ASXL1: variants seen among roughly 807,000 people sequenced by gnomAD.
ASXL1 encodes polycomb group protein ASXL1.
A neutral mutation model predicts 89.1 loss-of-function variants in ASXL1; 65 were observed. The observed-to-expected ratio is 0.73, with a 90% confidence interval of 0.60 to 0.90. The LOEUF is 0.90. Among genes scored for constraint, ASXL1 ranks in the 40% least tolerant of loss-of-function variants. ASXL1 has a pLI of 0.00. For synonymous variants in ASXL1, 739 were observed against 746.9 expected (o/e 0.99, Z 0.17); for missense variants, 1,786 against 1,942.9 (o/e 0.92, Z 1.52).
Position 32,358,848 on chromosome 20 carries a change from G to T in ASXL1, c.57+16G>T. ...CGCGCGCCTGGTGAGGCGGACAGCC[G>T]AGGGGGGCTCCGTGGGGCCCGGGGT... On this transcript the variant is annotated intron_variant, in intron 1 of 12. Coordinates refer to ENST00000375687, the MANE Select transcript of ASXL1 (RefSeq NM_015338.6). 6.6e-7 allele frequency: 1 copy of T among 1,504,850 alleles called. No individual in the cohort carries two copies. The highest frequency in any genetic ancestry group is 8.9e-7 in the Non-Finnish European group (1 of 1,125,792). The allele number at this position is 1,504,850 out of a possible 1,614,324, so 93.2% of individuals were successfully genotyped here.
Position 32,434,560 on chromosome 20 carries a change from CATT to C in ASXL1, c.1850_1852del (p.Ile617del), listed in dbSNP as rs2011662875. 6.2e-7 allele frequency: 1 copy of C among 1,613,570 alleles called. No homozygotes were observed. The highest frequency in any genetic ancestry group is 1.1e-5 in the South Asian group (1 of 91,082). ...GGACTGGCGCCAGGACCCTCGCAGA[CATT>C]AAAGCCCGTGCTCTGCAGGTCCGAG... On this transcript the variant is annotated inframe_deletion, in exon 13 of 13. Transcript: ENST00000375687.
rs143779557 is a variant in ASXL1 at position 32,436,645 on chromosome 20, T to C, written c.3933T>C (p.Ala1311=). 5.0e-5 allele frequency: 81 copies of C among 1,614,100 alleles called. No individual in the cohort carries two copies. The African/African-American group carries it at 1.0e-3, about 20-fold the overall frequency. Residue 1311 remains alanine, a synonymous_variant, in exon 13 of 13, where the codon GCT becomes GCC. Coordinates refer to ENST00000375687, the MANE Select transcript of ASXL1 (RefSeq NM_015338.6). ...AGCTTTTTGGCTCTGGGAATGTGGC[T>C]GCAACCCTTCAGCGCCCCAGGCCTG... ...GKKLFGSGNV[A]ATLQRPRPAD...
intron 4 of ASXL1, among the ~76,000 whole-genome samples, chr20:32,416,339 G>A (rs1008755838): frequency 6.6e-6 from 1 of 152,042 alleles, no homozygotes; most frequent in Non-Finnish European, 1.5e-5. Flanking sequence ...GGAAGCTCAA[G>A]CGTTTGTACA....
At chr20:32,386,786 TC>T (rs2048586674) in intron 4 of ASXL1, among the ~76,000 whole-genome samples, 2 of 44,116 alleles carry the variant, frequency 4.5e-5, no homozygotes, top group Admixed American at 3.4e-4. Flanking sequence ...GACCTCTCTC[TC>T]TCTTTTTTTT....
intron 11 of ASXL1, 82 bp from the exon 12 acceptor site, chr20:32,433,202 G>T: frequency 6.3e-7 from 1 of 1,594,802 alleles, no homozygotes; most frequent in Non-Finnish European, 8.5e-7. Context: ...AGATATCTGT[G>T]TTTCTGGGTC....
intron 4 of ASXL1, chr20:32,427,376 G>C (rs940340763): frequency 6.5e-6 from 1 of 152,980 alleles, no homozygotes; most frequent in Non-Finnish European, 1.5e-5. Flanking sequence ...GCGGTTGCCA[G>C]ATGAAATTCC....
intron 4 of ASXL1, among the ~76,000 whole-genome samples, chr20:32,378,559 CT>C (rs1387275692): frequency 1.3e-5 from 2 of 152,042 alleles, no homozygotes. Context: ...GATTTGAATT[CT>C]TTTTTCTTAA....
intron 4 of ASXL1, chr20:32,427,641 C>T (rs2011362549): frequency 1.1e-5 from 2 of 184,896 alleles, no homozygotes; most frequent in Admixed American, 1.1e-4. Flanking sequence ...TAAAACCCAG[C>T]TTAAGCAACA....
At chr20:32,383,937 A>G (rs2048532566) in intron 4 of ASXL1, among the ~76,000 whole-genome samples, 1 of 152,114 alleles carries the variant, frequency 6.6e-6, no homozygotes, top group South Asian at 2.1e-4. Flanking sequence ...CCTCCATCCC[A>G]GAGCTCTGTT....
In ASXL1 at chr20:32,435,802, C is replaced by G. The variant is rs2145377517; in HGVS notation, c.3090C>G (p.Asp1030Glu). The change falls in exon 13 of 13, where the codon GAC becomes GAG. Residue 1030 changes from aspartate (D) to glutamate (E), a missense_variant. By Grantham distance (45) the Asp-to-Glu change is conservative. Around this residue, in one of 3 missense-constraint regions of ASXL1, gnomAD observed 1,418 missense variants for 1,427.8 expected, o/e 0.99. Coordinates refer to ENST00000375687, the MANE Select transcript of ASXL1 (RefSeq NM_015338.6). The stretch of plus-strand genomic sequence containing the variant: ...CAGTGACAAAGGGATCTTCGGTGGA[C>G]AAGGATGAGAAACCCAATTGGAACC... ...EAAVTKGSSV[D>E]KDEKPNWNQS... 1 of 1,614,138 alleles carries G rather than the reference C, an allele frequency of 6.2e-7. No individual in the cohort carries two copies. Among genetic ancestry groups the G allele is most frequent in the Non-Finnish European group, 8.5e-7 (1 of 1,180,024 alleles).
intron 1 of ASXL1, among the ~76,000 whole-genome samples, chr20:32,362,352 G>C (rs750376438): frequency 4.6e-5 from 7 of 152,128 alleles, no homozygotes; most frequent in South Asian, 2.1e-4. Flanking sequence ...AATTGTTTTT[G>C]TAGGCTGTGC....
At chr20:32,425,273 A>T (rs535092540) in intron 4 of ASXL1, among the ~76,000 whole-genome samples, 1 of 152,294 alleles carries the variant, frequency 6.6e-6, no homozygotes, top group African/African-American at 2.4e-5. Context: ...AGCCACTTTG[A>T]TTGTTTATAA....
chr20:32,427,960 A>C, intron 4 of ASXL1, 168 bp from the exon 5 acceptor site: 1 of 917,156 alleles, frequency 1.1e-6, no homozygotes, highest in Non-Finnish European at 1.7e-6. Flanking sequence ...TTTCTTAATG[A>C]TATATTTATG....
chr20:32,387,007 T>C (rs1328407382), intron 4 of ASXL1, among the ~76,000 whole-genome samples: 1 of 152,108 alleles, frequency 6.6e-6, no homozygotes, highest in Admixed American at 6.6e-5. Context: ...TTAGAAACAT[T>C]TCATAATGCA....
Position 32,436,727 on chromosome 20 carries a change from G to A in ASXL1, c.4015G>A (p.Gly1339Arg), listed in dbSNP as rs768446568. 3.1e-6 allele frequency: 5 copies of A among 1,613,946 alleles called. No homozygotes were observed. The highest frequency in any genetic ancestry group is 1.7e-5 in the Admixed American group (1 of 60,004). The change falls in exon 13 of 13, where the codon GGA becomes AGA. Residue 1339 changes from glycine to arginine, a missense_variant. Physicochemically the swap from Gly to Arg is moderately radical, Grantham distance 125 (BLOSUM62 -2). Around this residue, in one of 3 missense-constraint regions of ASXL1, gnomAD observed 1,418 missense variants for 1,427.8 expected, o/e 0.99. Coordinates refer to ENST00000375687, the MANE Select transcript of ASXL1 (RefSeq NM_015338.6). ...IPPVFPSGKLGPSTNSMSGGV... is the reference protein window; with the variant it reads ...IPPVFPSGKLRPSTNSMSGGV... ...TCCAGTTTTTCCCAGTGGGAAGTTG[G>A]GACCAAGCACAAACTCCATGTCTGG...
At chr20:32,377,988 G>GTGTGTGTGTGTGTGTGTGTA (rs1480059687) in intron 4 of ASXL1, among the ~76,000 whole-genome samples, 15 of 148,274 alleles carry the variant, frequency 1.0e-4, no homozygotes, top group Non-Finnish European at 2.2e-4. Context: ...GTGTGTGTGT[G>GTGTGTGTGTGTGTGTGTGTA]TGTGTGTGTG....
intron 1 of ASXL1, among the ~76,000 whole-genome samples, chr20:32,362,161 G>C (rs992048928): frequency 6.6e-6 from 1 of 152,232 alleles, no homozygotes; most frequent in African/African-American, 2.4e-5. Context: ...ACTGGACTGA[G>C]AGAAACTTGA....
At chr20:32,358,926 C>A in intron 1 of ASXL1, 94 bp downstream of exon 1, 1 of 1,283,594 alleles carries the variant, frequency 7.8e-7, no homozygotes, top group Non-Finnish European at 1.0e-6. Flanking sequence ...CAAGGCCCTG[C>A]CCACCGCGGG....
At chr20:32,400,351 C>G (rs1173758688) in intron 4 of ASXL1, among the ~76,000 whole-genome samples, 1 of 152,016 alleles carries the variant, frequency 6.6e-6, no homozygotes, top group Non-Finnish European at 1.5e-5. Flanking sequence ...TGTTCTTTAA[C>G]TTTGTTATTG....
Sources: allele counts gnomAD v4.1 joint callset (sites outside exome capture counted in the v4.1 genomes callset), GRCh38; gene constraint gnomAD v4.1.1; regional missense constraint gnomAD v4.1.1; transcripts MANE v1.5; gene names NCBI Gene and HGNC (gene_info 2026-07-23, HGNC 2026-07-21).